ACTL8: variants seen among roughly 807,000 people sequenced by gnomAD.
ACTL8 encodes the protein actin like 8.
A neutral mutation model predicts 9.3 loss-of-function variants in ACTL8; 3 were observed. The ratio of observed to expected loss-of-function variants is 0.32; its 90% CI spans 0.15 to 0.83. The LOEUF (loss-of-function observed/expected upper bound fraction) is 0.83. Ranked by LOEUF, ACTL8 falls within the 40% of genes least tolerant of loss-of-function variation. ACTL8 has a pLI of 0.57. For missense variants in ACTL8, 381 were observed against 492.2 expected (o/e 0.77, Z 2.14); for synonymous variants, 224 against 205.9 (o/e 1.09, Z -0.75).
chr1:17,796,966 T>A (rs4920386), intron 1 of ACTL8, among the ~76,000 whole-genome samples: 68,381 of 152,104 alleles, frequency 0.45, 16,099 homozygotes, highest in East Asian at 0.8. Context: ...GCTCTGGCAC[T>A]TTCTAGGGAC....
intron 1 of ACTL8, among the ~76,000 whole-genome samples, chr1:17,780,811 G>A (rs530539855): frequency 6.6e-6 from 1 of 152,166 alleles, no homozygotes; most frequent in East Asian, 1.9e-4. Flanking sequence ...CCTTGAGATA[G>A]TTCCGGGTAG....
chr1:17,826,558 TGGGCAC>T lies in ACTL8; in HGVS notation c.*44_*49del. On this transcript the variant is annotated 3_prime_UTR_variant, in exon 3 of 3. Transcript: ENST00000375406. The surrounding 1 kb of genome is among the most constrained non-coding windows in gnomAD (Gnocchi z 4.5). ...CTCCTGAGAATGGGCTCCTGTTAGA[TGGGCAC>T]GGGCGGATTAATTTTAGCAAAATGT... 6.7e-7 allele frequency: 1 copy of T among 1,498,780 alleles called. No individual in the cohort carries two copies. Among genetic ancestry groups the T allele is most frequent in the Non-Finnish European group, 8.9e-7 (1 of 1,118,470 alleles). The allele number at this position is 1,498,780 out of a possible 1,614,324, so 92.8% of individuals were successfully genotyped here. A position where few individuals can be genotyped will look rare whatever the true frequency, so the allele number is the denominator to read the frequency against.
intron 1 of ACTL8, among the ~76,000 whole-genome samples, chr1:17,782,424 G>GA (rs936652260): frequency 1.3e-3 from 192 of 152,172 alleles, no homozygotes; most frequent in African/African-American, 4.5e-3. Context: ...TCCATGGTAG[G>GA]AAAAAATGAG....
In ACTL8 at chr1:17,823,370, G is replaced by C; in HGVS notation, c.348+14G>C. The C allele has an allele frequency of 1.2e-6, 2 of 1,603,470 alleles. No homozygotes were observed. The highest frequency in any genetic ancestry group is 1.7e-6 in the Non-Finnish European group (2 of 1,174,888). ...AAGATGCTGGAGGTGAGGCCTGCCG[G>C]GGCCTGCTCCCACTCGGGAGCGGGA... On this transcript the variant is annotated intron_variant, in intron 2 of 2. Coordinates refer to ENST00000375406, the MANE Select transcript of ACTL8 (RefSeq NM_030812.3). This position sits in a 1 kb window ranked among gnomAD's most constrained non-coding sequence, Gnocchi z 5.3.
chr1:17,791,577 G>T (rs1000221512), intron 1 of ACTL8, among the ~76,000 whole-genome samples: 1 of 152,188 alleles, frequency 6.6e-6, no homozygotes, highest in Non-Finnish European at 1.5e-5. Flanking sequence ...GGCACATCGG[G>T]GTGCAGAGTG....
rs146145058 is a variant in ACTL8, at chr1:17,797,587, C to T, written c.-24-25398C>T. ...ACAGGGCCAGGTATCCAGCATTTCT[C>T]AAGCTTGACCAATAATCAGACCTTC... On this transcript the variant is annotated intron_variant, in intron 1 of 2. Coordinates refer to ENST00000375406, the MANE Select transcript of ACTL8 (RefSeq NM_030812.3). Among the ~76,000 whole-genome samples the T allele has an allele frequency of 2.5e-4, 38 of 152,300 alleles. No individual in the cohort carries two copies. In the East Asian group the frequency reaches 6.6e-3, roughly 26 times the overall value.
intron 1 of ACTL8, among the ~76,000 whole-genome samples, chr1:17,791,777 G>A (rs536951426): frequency 1.2e-4 from 18 of 152,338 alleles, no homozygotes; most frequent in Admixed American, 9.8e-4. Flanking sequence ...GGCAGTCTCT[G>A]GCTATATTTA....
Position 17,826,606 on chromosome 1 carries a change from ATGAGGTGGGGTGGGG to A in ACTL8, c.*92_*106del. On this transcript the variant is annotated 3_prime_UTR_variant, in exon 3 of 3. Coordinates refer to ENST00000375406, the MANE Select transcript of ACTL8 (RefSeq NM_030812.3). This position sits in a 1 kb window ranked among gnomAD's most constrained non-coding sequence, Gnocchi z 4.5. ...GCAAAATGTTCTGGGTGGGGGTAGA[ATGAGGTGGGGTGGGG>A]TGAGCTGGCTTTGGAATTCTAGGGG... 1 of 1,090,582 alleles carries A rather than the reference ATGAGGTGGGGTGGGG, an allele frequency of 9.2e-7. No homozygotes were observed. The highest frequency in any genetic ancestry group is 1.3e-6 in the Non-Finnish European group (1 of 799,030). The allele number at this position is 1,090,582 out of a possible 1,614,324, so 67.6% of individuals were successfully genotyped here.
At chr1:17,809,141 G>A (rs752066088) in intron 1 of ACTL8, among the ~76,000 whole-genome samples, 2 of 152,150 alleles carry the variant, frequency 1.3e-5, no homozygotes, top group Non-Finnish European at 2.9e-5. Context: ...CCAGTTACGT[G>A]GTAGAAATGG....
rs981543392 is a variant in ACTL8, at chr1:17,767,167, G to T, written c.-25+11663G>T. On this transcript the variant is annotated intron_variant, in intron 1 of 2. Transcript: ENST00000375406. The surrounding 1 kb of genome is among the most constrained non-coding windows in gnomAD (Gnocchi z 4.7). ...CATCATGAAGAAGGGGTTCCAGGCA[G>T]AGAGCAGCGTCTGCAAAGGCCCTGC... Among the ~76,000 whole-genome samples the T allele has an allele frequency of 6.6e-6, 1 of 152,166 alleles. No individual in the cohort carries two copies. The highest frequency in any genetic ancestry group is 6.5e-5 in the Admixed American group (1 of 15,282).
At chr1:17,805,183 C>A (rs1172541241) in intron 1 of ACTL8, among the ~76,000 whole-genome samples, 1 of 152,012 alleles carries the variant, frequency 6.6e-6, no homozygotes, top group African/African-American at 2.4e-5. Flanking sequence ...CAGAACCCTG[C>A]CTGGAATTCT....
chr1:17,817,903 T>C (rs2066438576), intron 1 of ACTL8, among the ~76,000 whole-genome samples: 1 of 152,136 alleles, frequency 6.6e-6, no homozygotes, highest in Non-Finnish European at 1.5e-5. Flanking sequence ...GGTTTCGCCA[T>C]GTTGGCCGGG....
chr1:17,806,350 T>C (rs1172390239), intron 1 of ACTL8, among the ~76,000 whole-genome samples: 2 of 152,190 alleles, frequency 1.3e-5, no homozygotes, highest in East Asian at 3.9e-4. Flanking sequence ...AACCCTGTCC[T>C]CCCCTCATGC....
chr1:17,809,989 G>T (rs2066383628), intron 1 of ACTL8, among the ~76,000 whole-genome samples: 1 of 152,138 alleles, frequency 6.6e-6, no homozygotes, highest in African/African-American at 2.4e-5. Context: ...ACTGCAGTTT[G>T]TTCTGATTTT....
chr1:17,778,492 G>A (rs1557432027), intron 1 of ACTL8, among the ~76,000 whole-genome samples: 1 of 152,084 alleles, frequency 6.6e-6, no homozygotes, highest in Non-Finnish European at 1.5e-5. Context: ...GTTGTCGGGT[G>A]TGGCTCCTGA....
chr1:17,787,343 C>T (rs2066205085), intron 1 of ACTL8, among the ~76,000 whole-genome samples: 1 of 152,136 alleles, frequency 6.6e-6, no homozygotes, highest in Admixed American at 6.5e-5. Context: ...TGGTTCACTG[C>T]AGCCTCTTCC....
intron 1 of ACTL8, among the ~76,000 whole-genome samples, chr1:17,801,450 T>A (rs1285192647): frequency 6.6e-6 from 1 of 152,240 alleles, no homozygotes; most frequent in Non-Finnish European, 1.5e-5. Flanking sequence ...CCAAATTTAA[T>A]GATTATTGCA....
intron 1 of ACTL8, among the ~76,000 whole-genome samples, chr1:17,781,930 G>A (rs1477810199): frequency 2.6e-5 from 4 of 152,184 alleles, no homozygotes; most frequent in African/African-American, 9.7e-5. Context: ...AGGGGAATGT[G>A]GAGAATGGGC....
At chr1:17,759,189 C>T (rs1280615257) in intron 1 of ACTL8, among the ~76,000 whole-genome samples, 2 of 152,230 alleles carry the variant, frequency 1.3e-5, no homozygotes, top group African/African-American at 4.8e-5. Flanking sequence ...GTCCAATCAC[C>T]CTTCTTGCCT....
Sources: allele counts gnomAD v4.1 joint callset (sites outside exome capture counted in the v4.1 genomes callset), GRCh38; gene constraint gnomAD v4.1.1; non-coding constraint Gnocchi (gnomAD v3.1); transcripts MANE v1.5; gene names NCBI Gene and HGNC (gene_info 2026-07-23, HGNC 2026-07-21).